NRG3: variants seen among roughly 807,000 people sequenced by gnomAD.
NRG3 encodes neuregulin 3.
In NRG3, 31 loss-of-function variants were observed where a neutral mutation model predicts 66.9. The ratio of observed to expected loss-of-function variants is 0.46; its 90% CI spans 0.35 to 0.63. The LOEUF (loss-of-function observed/expected upper bound fraction) is 0.63, where lower values mean the gene tolerates loss of function less well. Among genes scored for constraint, NRG3 ranks in the 20% least tolerant of loss-of-function variants. The pLI is 0.00. For missense variants in NRG3, 910 were observed against 878.9 expected, an observed-to-expected ratio of 1.04 and a Z score of -0.45; for synonymous variants, 393 against 359.4, an observed-to-expected ratio of 1.09 and a Z score of -1.06.
intron 2 of NRG3, among the ~76,000 whole-genome samples, chr10:82,398,516 T>TGA (rs1352273656): frequency 2.1e-5 from 3 of 145,642 alleles, no homozygotes; most frequent in African/African-American, 8.0e-5. Flanking sequence ...TGTGTGTGTG[T>TGA]GTGTGTGTGT....
intron 1 of NRG3, among the ~76,000 whole-genome samples, chr10:81,969,780 TG>T (rs2059860417): frequency 6.6e-6 from 1 of 151,448 alleles, no homozygotes; most frequent in South Asian, 2.1e-4. Context: ...TGAGTGTGTG[TG>T]TGTGTGTGTG....
intron 1 of NRG3, among the ~76,000 whole-genome samples, chr10:82,293,472 A>G (rs1411507997): frequency 6.6e-6 from 1 of 152,196 alleles, no homozygotes; most frequent in African/African-American, 2.4e-5. Flanking sequence ...TGGTGATCCT[A>G]GAAGAAATAT....
At chr10:81,997,846 C>A (rs11192115) in intron 1 of NRG3, among the ~76,000 whole-genome samples, 6 of 148,352 alleles carry the variant, frequency 4.0e-5, no homozygotes, top group African/African-American at 1.5e-4. Flanking sequence ...GTCTGCCCCC[C>A]ACCCCCCACC....
At chr10:82,293,739 C>A (rs932581874) in intron 1 of NRG3, among the ~76,000 whole-genome samples, 2 of 151,990 alleles carry the variant, frequency 1.3e-5, no homozygotes, top group Admixed American at 6.6e-5. Flanking sequence ...TGCCTTAAAT[C>A]TCTATGTGAA....
At chr10:81,881,782 T>A (rs1387897292) in intron 1 of NRG3, among the ~76,000 whole-genome samples, 1 of 152,176 alleles carries the variant, frequency 6.6e-6, no homozygotes, top group African/African-American at 2.4e-5. Context: ...GTCTACTGGT[T>A]TAAGCTTAGC....
In NRG3 at chr10:82,979,097, C is replaced by G; in HGVS notation, c.1560C>G (p.Asp520Glu). 6.2e-7 allele frequency: 1 copy of G among 1,613,982 alleles called. No individual in the cohort carries two copies. The highest frequency in any genetic ancestry group is 1.1e-5 in the South Asian group (1 of 91,070). Residue 520 changes from aspartate to glutamate, a missense_variant, in exon 8 of 9, where the codon GAC becomes GAG. By Grantham distance (45) the Asp-to-Glu change is conservative. Coordinates refer to ENST00000372141, the MANE Select transcript of NRG3 (RefSeq NM_001010848.4). ...YQQLEESRIPDQDTIPCQGYS... is the reference protein window; with the variant it reads ...YQQLEESRIPEQDTIPCQGYS... ...AACTCGAAGAATCAAGGATCCCAGA[C>G]CAGGATACGATACCTTGCCAAGGGT...
intron 8 of NRG3, among the ~76,000 whole-genome samples, chr10:82,983,810 T>G (rs544989931): frequency 2.0e-5 from 3 of 152,232 alleles, no homozygotes; most frequent in Non-Finnish European, 4.4e-5. Flanking sequence ...TATGTATTCA[T>G]GTGTTCACTC....
At chr10:82,373,686 A>G (rs1589890111) in intron 2 of NRG3, among the ~76,000 whole-genome samples, 1 of 152,222 alleles carries the variant, frequency 6.6e-6, no homozygotes, top group Non-Finnish European at 1.5e-5. Flanking sequence ...CTGATAAAGT[A>G]TCTACTTTAA....
At chr10:82,923,553 C>T (rs1846667942) in intron 4 of NRG3, among the ~76,000 whole-genome samples, 1 of 152,064 alleles carries the variant, frequency 6.6e-6, no homozygotes, top group African/African-American at 2.4e-5. Context: ...CATAGTGTTG[C>T]TCAATCAATA....
At chr10:82,933,576 A>G (rs1437915565) in intron 4 of NRG3, among the ~76,000 whole-genome samples, 3 of 152,180 alleles carry the variant, frequency 2.0e-5, no homozygotes, top group Non-Finnish European at 4.4e-5. Flanking sequence ...ATTGTGCCTC[A>G]TTCGTCTTTA....
intron 2 of NRG3, among the ~76,000 whole-genome samples, chr10:82,608,534 G>T (rs976707867): frequency 1.3e-5 from 2 of 151,962 alleles, no homozygotes; most frequent in Non-Finnish European, 2.9e-5. Flanking sequence ...CCTGCTATAC[G>T]AAATCCCTAT....
intron 1 of NRG3, among the ~76,000 whole-genome samples, chr10:82,298,639 T>TA (rs768922869): frequency 1.3e-3 from 201 of 151,274 alleles, no homozygotes; most frequent in East Asian, 9.5e-3. Context: ...TGCAAATAAT[T>TA]AAAAAAAAAC....
chr10:82,395,024 A>G (rs2086630006), intron 2 of NRG3, among the ~76,000 whole-genome samples: 1 of 152,170 alleles, frequency 6.6e-6, no homozygotes, highest in African/African-American at 2.4e-5. Context: ...GCTTTGGTCA[A>G]TGGGGAGTCT....
rs186875055 is a variant in NRG3, at chr10:82,554,308, C to T, written c.954-184269C>T. On this transcript the variant is annotated intron_variant, in intron 2 of 8. Transcript: ENST00000372141. The stretch of plus-strand genomic sequence containing the variant: ...TGACTGTTCTCAAAGAAATTATCAA[C>T]GTTTGAGGTAATGGATAAGCTAATT... 7.9e-5 allele frequency among the ~76,000 whole-genome samples: 12 copies of T among 152,204 alleles called. No individual in the cohort carries two copies. In the East Asian group the frequency reaches 1.4e-3, roughly 17 times the overall value.
intron 2 of NRG3, among the ~76,000 whole-genome samples, chr10:82,412,181 G>A (rs1252995451): frequency 6.6e-6 from 1 of 152,132 alleles, no homozygotes. Flanking sequence ...TTTCCTAAGA[G>A]TGGGCAAATA....
At chr10:82,309,361 A>G (rs958605124) in intron 1 of NRG3, among the ~76,000 whole-genome samples, 4 of 152,072 alleles carry the variant, frequency 2.6e-5, no homozygotes, top group African/African-American at 4.8e-5. Flanking sequence ...TGAAAGGAAA[A>G]TATTTGTTCT....
chr10:82,029,458 A>T (rs1297516971), intron 1 of NRG3, among the ~76,000 whole-genome samples: 1 of 152,108 alleles, frequency 6.6e-6, no homozygotes, highest in Non-Finnish European at 1.5e-5. Flanking sequence ...TTATCTTGCA[A>T]TATGATAGTT....
chr10:82,508,905 G>C (rs1327234724), intron 2 of NRG3, among the ~76,000 whole-genome samples: 3 of 152,158 alleles, frequency 2.0e-5, no homozygotes, highest in Non-Finnish European at 4.4e-5. Context: ...GAGTTTATCA[G>C]GGGTTCCATT....
At chr10:81,885,543 A>G (rs951011793) in intron 1 of NRG3, among the ~76,000 whole-genome samples, 13 of 152,178 alleles carry the variant, frequency 8.5e-5, no homozygotes, top group Non-Finnish European at 1.3e-4. Flanking sequence ...CTTGCTTGAC[A>G]TTTTTGTTTG....
Sources: gnomAD v4.1 joint callset for allele counts (sites outside exome capture counted in the v4.1 genomes callset) on GRCh38, gnomAD v4.1.1 for gene constraint, MANE v1.5 for transcripts, NCBI Gene and HGNC (gene_info 2026-07-23, HGNC 2026-07-21) for gene names.